AMOTL1: variants seen among roughly 807,000 people sequenced by gnomAD.
AMOTL1 encodes angiomotin-like protein 1.
Under a neutral mutation model 102.9 loss-of-function variants are expected in AMOTL1, and 45 were observed. The ratio of observed to expected loss-of-function variants is 0.44; its 90% CI spans 0.34 to 0.56. AMOTL1 has a LOEUF of 0.56. Among genes scored for constraint, AMOTL1 ranks in the 20% least tolerant of loss-of-function variants. The pLI, the probability that AMOTL1 is intolerant of heterozygous loss-of-function variation, is 0.01. For synonymous variants in AMOTL1, 481 were observed against 484.7 expected (o/e 0.99, Z 0.10); for missense variants, 1,114 against 1,225.6 (o/e 0.91, Z 1.36).
intron 5 of AMOTL1, among the ~76,000 whole-genome samples, chr11:94,830,657 A>T (rs953100352): frequency 2.6e-5 from 4 of 152,178 alleles, no homozygotes; most frequent in African/African-American, 7.2e-5. Context: ...CCCTGGGGGG[A>T]AAAAGTCCCC....
At chr11:94,779,362 A>T (rs1951073936) in intron 1 of AMOTL1, among the ~76,000 whole-genome samples, 1 of 152,204 alleles carries the variant, frequency 6.6e-6, no homozygotes. Flanking sequence ...CATTATGAAC[A>T]TCAGTAATAT....
chr11:94,806,101 C>G (rs1489231689), intron 3 of AMOTL1, among the ~76,000 whole-genome samples: 1 of 152,230 alleles, frequency 6.6e-6, no homozygotes, highest in Non-Finnish European at 1.5e-5. Context: ...TCTCTGGGTA[C>G]ATGCCCACTG....
At chr11:94,771,929 G>A (rs1425774737) in intron 1 of AMOTL1, among the ~76,000 whole-genome samples, 1 of 152,198 alleles carries the variant, frequency 6.6e-6, no homozygotes, top group East Asian at 1.9e-4. Context: ...TCGTTCTATG[G>A]TGTGTGTTTA....
intron 3 of AMOTL1, among the ~76,000 whole-genome samples, chr11:94,802,230 T>G (rs925613889): frequency 1.3e-5 from 2 of 152,212 alleles, no homozygotes; most frequent in African/African-American, 4.8e-5. Flanking sequence ...TATAGCTCCT[T>G]GATCAAATCC....
In AMOTL1 at chr11:94,817,135, CATTT is replaced by C. The variant is rs1237449705; in HGVS notation, c.1122-4393_1122-4390del. Among the ~76,000 whole-genome samples, 5 of 152,010 alleles carry C rather than the reference CATTT, an allele frequency of 3.3e-5. No individual in the cohort carries two copies. The East Asian group carries it at 9.6e-4, about 29-fold the overall frequency. On this transcript the variant is annotated intron_variant, in intron 3 of 12. Transcript: ENST00000433060. ...TTTACTTACAGAATTTTAAAAGACA[CATTT>C]AATTGGCCTCATGCTGTCTTTATTA...
rs763391848 is a variant in AMOTL1 at position 94,864,775 on chromosome 11, G to A, written c.2176G>A (p.Gly726Arg). 8.1e-6 allele frequency: 13 copies of A among 1,613,694 alleles called. No individual in the cohort carries two copies. The highest frequency in any genetic ancestry group is 3.3e-5 in the Admixed American group (2 of 60,000). Reference sequence around the variant, plus strand: ...CAACCACTCACGGAATGGCAGCTACGGAGAGAGCTCGCTGGAGGCCCACAT... The same window carrying A: ...CAACCACTCACGGAATGGCAGCTACAGAGAGAGCTCGCTGGAGGCCCACAT... ...IINHSRNGSY[G>R]ESSLEAHIWQ... Residue 726 changes from glycine (G) to arginine (R), a missense_variant, in exon 10 of 13, where the codon GGA becomes AGA. By Grantham distance (125) the Gly-to-Arg change is moderately radical. Coordinates refer to ENST00000433060, the MANE Select transcript of AMOTL1 (RefSeq NM_130847.3).
chr11:94,760,456 T>C (rs1251383025), intron 3 of AMOTL1, among the ~76,000 whole-genome samples: 1 of 152,142 alleles, frequency 6.6e-6, no homozygotes, highest in Non-Finnish European at 1.5e-5. Flanking sequence ...GGACTATACT[T>C]CCTTTGCCTC....
intron 10 of AMOTL1, among the ~76,000 whole-genome samples, 180 bp downstream of exon 10, chr11:94,865,040 A>T (rs139200413): frequency 3.3e-5 from 5 of 152,122 alleles, no homozygotes; most frequent in Non-Finnish European, 5.9e-5. Context: ...ACGTGGTTCC[A>T]CTCAGCAATG....
In AMOTL1 at chr11:94,800,646, C is replaced by A. The variant is rs527921601; in HGVS notation, c.1121+335C>A. Among the ~76,000 whole-genome samples, 8 of 152,260 alleles carry A rather than the reference C, an allele frequency of 5.3e-5. No individual in the cohort carries two copies. The East Asian group carries it at 1.5e-3, about 29-fold the overall frequency. ...GTGGAGACCGTCCAAACTCCTGGAA[C>A]ATATTATTACCAGAGGGTTTTATAG... On this transcript the variant is annotated intron_variant, in intron 3 of 12. Coordinates refer to ENST00000433060, the MANE Select transcript of AMOTL1 (RefSeq NM_130847.3).
At chr11:94,831,628 T>G in intron 6 of AMOTL1, 87 bp downstream of exon 6, 91 of 1,151,086 alleles carry the variant, frequency 7.9e-5, no homozygotes, top group Non-Finnish European at 1.1e-4. Context: ...TCAAGTGGGT[T>G]TTGTGCTGTT....
chr11:94,809,136 A>G (rs1285545946), intron 3 of AMOTL1, among the ~76,000 whole-genome samples: 1 of 151,720 alleles, frequency 6.6e-6, no homozygotes, highest in Non-Finnish European at 1.5e-5. Flanking sequence ...ACACCTGGCT[A>G]ATTTTTGTAT....
chr11:94,739,692 T>C (rs1950489275), intron 2 of AMOTL1, among the ~76,000 whole-genome samples: 1 of 152,156 alleles, frequency 6.6e-6, no homozygotes, highest in Non-Finnish European at 1.5e-5. Context: ...ACCATTTCCA[T>C]ACTTGTTCCT....
intron 2 of AMOTL1, among the ~76,000 whole-genome samples, chr11:94,731,926 C>T (rs1388955920): frequency 6.6e-6 from 1 of 152,200 alleles, no homozygotes; most frequent in Non-Finnish European, 1.5e-5. Flanking sequence ...AAAACTAGCC[C>T]TGAGCAGGGC....
chr11:94,815,523 T>C (rs1221151549), intron 3 of AMOTL1, among the ~76,000 whole-genome samples: 1 of 152,116 alleles, frequency 6.6e-6, no homozygotes, highest in Non-Finnish European at 1.5e-5. Context: ...AAACTTATCA[T>C]ATAATTTAAA....
In AMOTL1 at chr11:94,737,467, C is replaced by T. The variant is rs200713101; in HGVS notation, c.86-3471C>T. Among the ~76,000 whole-genome samples the T allele has an allele frequency of 4.5e-4, 68 of 152,294 alleles. No homozygotes were observed. In the East Asian group the frequency reaches 7.9e-3, roughly 18 times the overall value. ...CTTTTACAGTGTGACACTCTCTCTC[C>T]TAGGGGCTCCAAGTGCATTAGTTTA... On this transcript the variant is annotated intron_variant, in intron 2 of 4. Coordinates refer to the AMOTL1 transcript ENST00000299004.
intron 6 of AMOTL1, among the ~76,000 whole-genome samples, chr11:94,833,447 T>A (rs1426898189): frequency 6.6e-6 from 1 of 152,248 alleles, no homozygotes; most frequent in Non-Finnish European, 1.5e-5. Context: ...CCCACATATA[T>A]ATGTCACAGA....
intron 3 of AMOTL1, among the ~76,000 whole-genome samples, chr11:94,762,519 T>G (rs1950806015): frequency 6.6e-6 from 1 of 152,222 alleles, no homozygotes; most frequent in Non-Finnish European, 1.5e-5. Flanking sequence ...GGGCCAGGGT[T>G]GAGAAACCCT....
intron 3 of AMOTL1, 52 bp downstream of exon 3, chr11:94,800,363 T>A: frequency 1.3e-6 from 2 of 1,490,608 alleles, no homozygotes; most frequent in Non-Finnish European, 1.8e-6. Context: ...TCAATAGTCA[T>A]GTTATTAGCA....
At chr11:94,721,970 C>T (rs1263892981) in intron 1 of AMOTL1, among the ~76,000 whole-genome samples, 1 of 152,086 alleles carries the variant, frequency 6.6e-6, no homozygotes, top group Non-Finnish European at 1.5e-5. Context: ...AGAGCTGTGG[C>T]CATTTATCTT....
Sources: gnomAD v4.1 joint callset for allele counts (sites outside exome capture counted in the v4.1 genomes callset) on GRCh38, gnomAD v4.1.1 for gene constraint, MANE v1.5 for transcripts, NCBI Gene and HGNC (gene_info 2026-07-23, HGNC 2026-07-21) for gene names.